Variants in ADGRL3 observed in about 807,000 individuals in gnomAD.
ADGRL3 encodes adhesion G protein-coupled receptor L3.
In ADGRL3, 62 loss-of-function variants were observed where a neutral mutation model predicts 153.5. The observed-to-expected ratio is 0.40, with a 90% CI of 0.33 to 0.50. The LOEUF (loss-of-function observed/expected upper bound fraction) is 0.50, where lower values mean the gene tolerates loss of function less well. Ranked by LOEUF, ADGRL3 falls within the 20% of genes least tolerant of loss-of-function variation. ADGRL3 has a pLI of 0.47. For synonymous variants in ADGRL3, 710 were observed against 672.5 expected (o/e 1.06, Z -0.86); for missense variants, 1,641 against 1,859.4 (o/e 0.88, Z 2.16).
chr4:61,869,407 G>A (rs534597868), intron 9 of ADGRL3, among the ~76,000 whole-genome samples: 32 of 150,754 alleles, frequency 2.1e-4, no homozygotes, highest in Non-Finnish European at 4.4e-4. Context: ...GACCATCCTG[G>A]CTAACAAGGT....
intron 9 of ADGRL3, among the ~76,000 whole-genome samples, chr4:61,877,627 A>C (rs1318661347): frequency 6.6e-6 from 1 of 152,172 alleles, no homozygotes; most frequent in African/African-American, 2.4e-5. Context: ...ACAGAAATTT[A>C]CTGTCTCACC....
intron 25 of ADGRL3, among the ~76,000 whole-genome samples, chr4:62,052,111 G>A (rs1350339040): frequency 2.0e-5 from 3 of 151,248 alleles, no homozygotes; most frequent in Non-Finnish European, 4.4e-5. Flanking sequence ...GAGTTTCTTG[G>A]TAGTCAAAGT....
chr4:61,596,901 A>G (rs899831989), intron 5 of ADGRL3, among the ~76,000 whole-genome samples: 2 of 152,154 alleles, frequency 1.3e-5, no homozygotes, highest in Non-Finnish European at 2.9e-5. Context: ...ATTTGTTAAT[A>G]TGATAAAATG....
In ADGRL3 at chr4:61,968,291, T is replaced by C. The variant is rs147874637; in HGVS notation, c.2806-11272T>C. On this transcript the variant is annotated intron_variant, in intron 17 of 26. Transcript: ENST00000683033. ...CTAAAAATGAGTCGTTTTTTCACTC[T>C]ATGGCTTTTTGTCCTAAACTACACA... Among the ~76,000 whole-genome samples, 816 of 151,842 alleles carry C rather than the reference T, an allele frequency of 5.4e-3. 13 individuals are homozygous for C. The highest frequency in any genetic ancestry group is 0.018 in the African/African-American group (760 of 41,472).
intron 1 of ADGRL3, among the ~76,000 whole-genome samples, chr4:61,336,075 T>TA: frequency 6.6e-6 from 1 of 152,288 alleles, no homozygotes; most frequent in South Asian, 2.1e-4. Flanking sequence ...AGAGAACAAA[T>TA]ACTATATTAG....
chr4:61,598,520 T>C (rs1317881228), intron 5 of ADGRL3, among the ~76,000 whole-genome samples: 1 of 152,200 alleles, frequency 6.6e-6, no homozygotes, highest in Non-Finnish European at 1.5e-5. Context: ...TCTGTTGTAC[T>C]ATAATTTTTT....
chr4:61,291,556 C>CTATATATATACATATA (rs1363996196), intron 1 of ADGRL3, among the ~76,000 whole-genome samples: 1 of 65,946 alleles, frequency 1.5e-5, no homozygotes, highest in South Asian at 4.8e-4. Context: ...GAAGGGAAGA[C>CTATATATATACATATA]TATATATATA....
At chr4:61,487,123 A>G (rs577539832) in intron 2 of ADGRL3, among the ~76,000 whole-genome samples, 2 of 152,294 alleles carry the variant, frequency 1.3e-5, no homozygotes, top group East Asian at 3.9e-4. Flanking sequence ...CTCCTCACAT[A>G]AGCTCCTTTA....
intron 5 of ADGRL3, among the ~76,000 whole-genome samples, chr4:61,603,280 G>C (rs987123901): frequency 1.3e-5 from 2 of 152,100 alleles, no homozygotes; most frequent in African/African-American, 4.8e-5. Context: ...ACAGTGGGTG[G>C]CCAACTGCAT....
chr4:61,921,846 T>A (rs963762135), intron 13 of ADGRL3, among the ~76,000 whole-genome samples: 106 of 152,304 alleles, frequency 7.0e-4, no homozygotes, highest in Middle Eastern at 3.4e-3. Context: ...TGGGGATAAC[T>A]TGTGGCCGAC....
intron 1 of ADGRL3, among the ~76,000 whole-genome samples, chr4:61,377,446 T>C (rs114090656): frequency 0.015 from 2,292 of 152,192 alleles, 60 homozygotes; most frequent in African/African-American, 0.052. Flanking sequence ...AGTTTCCTTT[T>C]TGTTGTACAT....
At chr4:62,051,842 T>G (rs539156259) in intron 25 of ADGRL3, among the ~76,000 whole-genome samples, 46 of 151,892 alleles carry the variant, frequency 3.0e-4, no homozygotes, top group African/African-American at 1.1e-3. Context: ...ATAGAATATT[T>G]CCACTTAGCT....
intron 4 of ADGRL3, among the ~76,000 whole-genome samples, chr4:61,543,354 G>C (rs1469222619): frequency 6.6e-6 from 1 of 152,106 alleles, no homozygotes; most frequent in East Asian, 1.9e-4. Flanking sequence ...GTGAGAAGAA[G>C]AAGGGAGAAA....
intron 6 of ADGRL3, among the ~76,000 whole-genome samples, chr4:61,717,877 T>C (rs1344900526): frequency 6.6e-6 from 1 of 151,854 alleles, no homozygotes; most frequent in Non-Finnish European, 1.5e-5. Context: ...CAATTAAAAG[T>C]GCAAAAATTA....
At chr4:61,387,492 G>A (rs573587246) in intron 2 of ADGRL3, among the ~76,000 whole-genome samples, 2 of 152,160 alleles carry the variant, frequency 1.3e-5, no homozygotes, top group African/African-American at 2.4e-5. Context: ...TCGACCATAA[G>A]AGACGACCAC....
chr4:61,427,250 A>G (rs913337471), intron 2 of ADGRL3: 1 of 152,656 alleles, frequency 6.6e-6, no homozygotes, highest in Non-Finnish European at 1.5e-5. Flanking sequence ...AGCTCTGCAT[A>G]TGAATGCCAT....
rs1745480314 is a variant in ADGRL3 at position 62,070,939 on chromosome 4, C to T, written c.*31C>T. The T allele has an allele frequency of 1.1e-5, 16 of 1,492,908 alleles. No individual in the cohort carries two copies. The highest frequency in any genetic ancestry group is 1.4e-5 in the Non-Finnish European group (16 of 1,109,008). The allele number at this position is 1,492,908 out of a possible 1,614,324, so 92.5% of individuals were successfully genotyped here. ...GACACAGAAATTGGAACCAACAAAA[C>T]TGCTAACACCTTGTTGACTGTTCTG... is the stretch of plus-strand genomic sequence containing the variant. On this transcript the variant is annotated 3_prime_UTR_variant, in exon 27 of 27. Transcript: ENST00000683033.
At chr4:61,302,924 T>C (rs566381395) in intron 1 of ADGRL3, among the ~76,000 whole-genome samples, 1 of 152,284 alleles carries the variant, frequency 6.6e-6, no homozygotes, top group African/African-American at 2.4e-5. Context: ...GAAAACTACA[T>C]GGACTATTTC....
chr4:61,370,463 A>G (rs2096497678), intron 1 of ADGRL3, among the ~76,000 whole-genome samples: 1 of 151,762 alleles, frequency 6.6e-6, no homozygotes, highest in Admixed American at 6.6e-5. Flanking sequence ...GAACATCTTT[A>G]TTTCTGCCTT....
Sources: gnomAD v4.1 joint callset for allele counts (sites outside exome capture counted in the v4.1 genomes callset) on GRCh38, gnomAD v4.1.1 for gene constraint, MANE v1.5 for transcripts, NCBI Gene and HGNC (gene_info 2026-07-23, HGNC 2026-07-21) for gene names.